DDX60: variants seen among roughly 807,000 people sequenced by gnomAD.
The protein encoded by DDX60 is probable ATP-dependent RNA helicase DDX60.
In DDX60, 165 loss-of-function variants were observed where a neutral mutation model predicts 212.8. That is an observed-to-expected ratio of 0.78 (90% confidence interval 0.68 to 0.88). The LOEUF (loss-of-function observed/expected upper bound fraction) is 0.88. DDX60 is among the 40% of genes least tolerant of loss of function. The pLI is 0.00. For synonymous variants in DDX60, 703 were observed against 685.3 expected (o/e 1.03, Z -0.40); for missense variants, 1,905 against 2,003.9 (o/e 0.95, Z 0.94).
intron 22 of DDX60, among the ~76,000 whole-genome samples, chr4:168,267,224 T>C (rs976862755): frequency 3.9e-5 from 6 of 152,172 alleles, no homozygotes; most frequent in African/African-American, 1.4e-4. Flanking sequence ...TGTCTACATA[T>C]AATTGTATGG....
intron 7 of DDX60, 37 bp from the exon 8 acceptor site, chr4:168,291,943 C>T: frequency 1.3e-6 from 2 of 1,500,542 alleles, no homozygotes; most frequent in African/African-American, 1.4e-5. Context: ...CAGAGAACAG[C>T]AGGGTGTGAC....
At chr4:168,278,960 T>C (rs1735469477) in intron 14 of DDX60, among the ~76,000 whole-genome samples, 1 of 152,198 alleles carries the variant, frequency 6.6e-6, no homozygotes, top group South Asian at 2.1e-4. Flanking sequence ...AAGGTTTTAA[T>C]TGTGATGAAA....
chr4:168,260,774 T>C (rs1734592441), intron 25 of DDX60, 91 bp downstream of exon 25: 20 of 1,146,700 alleles, frequency 1.7e-5, no homozygotes, highest in Non-Finnish European at 2.4e-5. Flanking sequence ...GGGCCAGTGA[T>C]GGTCTGTGGC....
At chr4:168,237,253 T>C in intron 32 of DDX60, 33 bp downstream of exon 32, 1 of 1,386,504 alleles carries the variant, frequency 7.2e-7, no homozygotes, top group Non-Finnish European at 9.4e-7. Context: ...TTGGACTCTC[T>C]CTCTACATAT....
rs193196668 is a variant in DDX60 at position 168,246,470 on chromosome 4, C to T, written c.4112G>A (p.Arg1371Gln). The T allele has an allele frequency of 1.1e-5, 18 of 1,614,006 alleles. No individual in the cohort carries two copies. In the East Asian group the frequency reaches 2.7e-4, roughly 24 times the overall value. ...HFPLSITLVL[R>Q]LMLLASKGDD... ...TCCCTTGGAAGCCAGCAGCATGAGT[C>T]GCAGGACCAGGGTTATGCTGAGAGG... Residue 1371 changes from arginine (R) to glutamine (Q), a missense_variant, in exon 30 of 38, where the codon CGA (arginine) becomes CAA (glutamine). By Grantham distance (43) the Arg-to-Gln change is conservative. Transcript: ENST00000393743.
chr4:168,297,311 A>G (rs1408226606), intron 6 of DDX60, among the ~76,000 whole-genome samples: 1 of 37,672 alleles, frequency 2.7e-5, no homozygotes, highest in Non-Finnish European at 4.4e-5. Flanking sequence ...AGAAAGAAAG[A>G]AAGAAAGAAA....
At chr4:168,324,179 G>A in the DDX60 span, among the ~76,000 whole-genome samples, 2 of 152,190 alleles carry the variant, frequency 1.3e-5, no homozygotes, top group East Asian at 3.8e-4. Context: ...GCCGTGGAGT[G>A]TTGCTTCCAT....
At chr4:168,294,317 A>G (rs773680912) in intron 6 of DDX60, among the ~76,000 whole-genome samples, 2 of 152,078 alleles carry the variant, frequency 1.3e-5, no homozygotes, top group African/African-American at 4.8e-5. Flanking sequence ...CTAGAAGAAA[A>G]CATAGGAGGA....
At chr4:168,310,858 T>A (rs1434076953) in intron 3 of DDX60, 140 bp downstream of exon 3, 3 of 435,482 alleles carry the variant, frequency 6.9e-6, no homozygotes, top group African/African-American at 6.2e-5. Flanking sequence ...AAACATGGAT[T>A]CTCAACTGCA....
chr4:168,308,377 G>A (rs1045097049), intron 3 of DDX60, among the ~76,000 whole-genome samples, 182 bp from the exon 4 acceptor site: 3 of 152,150 alleles, frequency 2.0e-5, no homozygotes, highest in Non-Finnish European at 4.4e-5. Flanking sequence ...CTTCACAGGA[G>A]GAAGGCGGGA....
At chr4:168,296,287 A>T (rs1005523808) in intron 6 of DDX60, among the ~76,000 whole-genome samples, 1 of 152,084 alleles carries the variant, frequency 6.6e-6, no homozygotes, top group African/African-American at 2.4e-5. Context: ...AATCAAAAAT[A>T]TTTTTTTAAT....
chr4:168,270,322 T>G (rs1735034394), intron 19 of DDX60, among the ~76,000 whole-genome samples: 1 of 152,216 alleles, frequency 6.6e-6, no homozygotes, highest in Admixed American at 6.5e-5. Flanking sequence ...GAAAAAGACT[T>G]ACTATCAAAG....
intron 11 of DDX60, 46 bp downstream of exon 11, chr4:168,285,347 G>T: frequency 1.9e-6 from 2 of 1,066,454 alleles, no homozygotes; most frequent in Non-Finnish European, 2.9e-6. Context: ...AGTAACTCAT[G>T]TATTCCACAC....
Position 168,287,106 on chromosome 4 carries a change from TG to T in DDX60, c.1280del (p.Pro427HisfsTer4). 1 of 1,612,848 alleles carries T rather than the reference TG, an allele frequency of 6.2e-7. No homozygotes were observed. The highest frequency in any genetic ancestry group is 8.5e-7 in the Non-Finnish European group (1 of 1,179,600). On this transcript the variant is annotated frameshift_variant, in exon 10 of 38. Transcript: ENST00000393743. LOFTEE classifies it high-confidence loss of function. ...AAACTTTTGTTGTTCTCAGAGGAAA[TG>T]GCTGTCCAACCTCAAAGTCTCTGAC... ...KLVRDFEVGQ[P>X]FPLRTTKVCF...
intron 33 of DDX60, among the ~76,000 whole-genome samples, chr4:168,229,898 T>C (rs1733385116): frequency 6.6e-6 from 1 of 152,128 alleles, no homozygotes; most frequent in African/African-American, 2.4e-5. Flanking sequence ...GTAAATGGCC[T>C]AAATGCTCCA....
chr4:168,253,553 A>T (rs1189669904), intron 26 of DDX60, among the ~76,000 whole-genome samples: 1 of 152,208 alleles, frequency 6.6e-6, no homozygotes, highest in Non-Finnish European at 1.5e-5. Flanking sequence ...TGTCTGAGTG[A>T]CATGAAGTAT....
Position 168,274,028 on chromosome 4 carries a change from G to T in DDX60, c.2360C>A (p.Thr787Lys). 6.2e-7 allele frequency: 1 copy of T among 1,614,222 alleles called. No homozygotes were observed. The highest frequency in any genetic ancestry group is 8.5e-7 in the Non-Finnish European group (1 of 1,180,022). Residue 787 changes from threonine (T) to lysine (K), a missense_variant, in exon 17 of 38, where the codon ACG becomes AAG. Thr to Lys is a moderately conservative substitution (Grantham distance 78). Transcript: ENST00000393743. ...GGAGGCATAGGTTTTGCCTGAGGAC[G>T]TTGGGGCAACAATCACTGCTGACTC... Reference protein sequence around the residue: ...KNESAVIVAPTSSGKTYASYY... With the variant: ...KNESAVIVAPKSSGKTYASYY...
intron 20 of DDX60, 108 bp downstream of exon 20, chr4:168,268,746 T>C (rs1418696099): frequency 1.6e-6 from 1 of 607,968 alleles, no homozygotes; most frequent in Admixed American, 3.5e-5. Context: ...AATAAACTAT[T>C]AAATTCACTA....
chr4:168,270,794 T>C (rs1482914799), intron 19 of DDX60, among the ~76,000 whole-genome samples: 1 of 152,088 alleles, frequency 6.6e-6, no homozygotes, highest in African/African-American at 2.4e-5. Context: ...GAATGTAAAA[T>C]TCCACAGAGT....
Sources: gnomAD v4.1 joint callset for allele counts (sites outside exome capture counted in the v4.1 genomes callset) on GRCh38, gnomAD v4.1.1 for gene constraint, MANE v1.5 for transcripts, NCBI Gene and HGNC (gene_info 2026-07-23, HGNC 2026-07-21) for gene names.